The following AUH variants were observed in gnomAD, a reference collection of about 807,000 sequenced individuals.
AUH encodes the protein AU RNA binding methylglutaconyl-CoA hydratase.
A neutral mutation model predicts 42.3 loss-of-function variants in AUH; 29 were observed. The observed-to-expected ratio is 0.69, with a 90% CI of 0.51 to 0.93. The LOEUF is 0.93. Among genes scored for constraint, AUH ranks in the 40% least tolerant of loss-of-function variants. AUH has a pLI of 0.00. For synonymous variants in AUH, 174 were observed against 166.4 expected, an observed-to-expected ratio of 1.05 and a Z score of -0.35; for missense variants, 452 against 438.1, an observed-to-expected ratio of 1.03 and a Z score of -0.28.
chr9:91,279,409 T>C, intron 6 of AUH, among the ~76,000 whole-genome samples: 1 of 152,158 alleles, frequency 6.6e-6, no homozygotes, highest in East Asian at 1.9e-4. Context: ...TGTGTTGCTA[T>C]AAAGAGATAC....
chr9:91,247,142 C>G (rs1263113814), intron 6 of AUH, among the ~76,000 whole-genome samples: 1 of 152,214 alleles, frequency 6.6e-6, no homozygotes, highest in Non-Finnish European at 1.5e-5. Context: ...TCTTTCCTCT[C>G]TCACTGCACA....
intron 3 of AUH, among the ~76,000 whole-genome samples, chr9:91,348,513 T>A (rs1587914272): frequency 1.3e-5 from 2 of 152,136 alleles, no homozygotes; most frequent in East Asian, 3.9e-4. Context: ...ACCTAATGAA[T>A]AAACAAACCG....
At chr9:91,225,130 C>T (rs940862799) in intron 6 of AUH, among the ~76,000 whole-genome samples, 1 of 152,152 alleles carries the variant, frequency 6.6e-6, no homozygotes, top group Non-Finnish European at 1.5e-5. Context: ...CTAAATGAAA[C>T]TCAGTATTCT....
At chr9:91,253,661 T>C (rs975182488) in intron 6 of AUH, among the ~76,000 whole-genome samples, 1 of 152,198 alleles carries the variant, frequency 6.6e-6, no homozygotes, top group African/African-American at 2.4e-5. Context: ...TCTTGGTATC[T>C]AGAGAGCTAA....
chr9:91,355,744 T>C, intron 3 of AUH, 139 bp downstream of exon 3: 2 of 735,746 alleles, frequency 2.7e-6, no homozygotes, highest in Non-Finnish European at 4.6e-6. Flanking sequence ...TGTTTTTTTC[T>C]TGTGAATCAG....
intron 3 of AUH, among the ~76,000 whole-genome samples, chr9:91,333,445 AC>A (rs1830479263): frequency 6.6e-6 from 1 of 152,240 alleles, no homozygotes; most frequent in East Asian, 1.9e-4. Context: ...AATTTTCATT[AC>A]AAGTATTATT....
Position 91,357,812 on chromosome 9 carries a change from G to A in AUH, c.263-1657C>T, listed in dbSNP as rs974258754. Among the ~76,000 whole-genome samples, 8 of 152,338 alleles carry A rather than the reference G, an allele frequency of 5.3e-5. No individual in the cohort carries two copies. The East Asian group carries it at 1.5e-3, about 29-fold the overall frequency. The stretch of plus-strand genomic sequence containing the variant: ...CCACTGAATGTCCTGTAACCTACGA[G>A]GGGGAGAAGAGAGTGACCAATGAAA... On this transcript the variant is annotated intron_variant, in intron 1 of 9. Transcript: ENST00000375731.
At chr9:91,295,964 T>A in intron 6 of AUH, 57 bp downstream of exon 6, 1 of 1,581,984 alleles carries the variant, frequency 6.3e-7, no homozygotes. Flanking sequence ...TTTTGCCTTA[T>A]GCCCTGTTTC....
intron 4 of AUH, among the ~76,000 whole-genome samples, chr9:91,310,763 GAA>G (rs1428174945): frequency 1.3e-5 from 2 of 152,200 alleles, no homozygotes; most frequent in Non-Finnish European, 2.9e-5. Context: ...AAAGATGACA[GAA>G]AGATAGATCA....
intron 4 of AUH, among the ~76,000 whole-genome samples, chr9:91,309,286 C>T (rs956215034): frequency 1.3e-5 from 2 of 151,770 alleles, no homozygotes; most frequent in African/African-American, 4.8e-5. Flanking sequence ...GATTACAATT[C>T]AACATGAGAT....
At chr9:91,304,368 T>C (rs914023575) in intron 4 of AUH, among the ~76,000 whole-genome samples, 4 of 152,134 alleles carry the variant, frequency 2.6e-5, no homozygotes, top group African/African-American at 9.7e-5. Context: ...AAATAAGTAA[T>C]CAATCCTCGA....
At chr9:91,259,374 G>A (rs1829583097) in intron 6 of AUH, among the ~76,000 whole-genome samples, 4 of 146,276 alleles carry the variant, frequency 2.7e-5, no homozygotes, top group African/African-American at 1.0e-4. Context: ...TTTGTGTCCT[G>A]TCTCCCTCTG....
intron 6 of AUH, among the ~76,000 whole-genome samples, chr9:91,238,205 C>T (rs955126140): frequency 1.3e-5 from 2 of 152,166 alleles, no homozygotes; most frequent in African/African-American, 4.8e-5. Flanking sequence ...ACCAGGTTCC[C>T]TCAATGTTTC....
intron 5 of AUH, 31 bp from the exon 6 acceptor site, chr9:91,296,108 T>C: frequency 6.2e-7 from 1 of 1,602,328 alleles, no homozygotes; most frequent in Non-Finnish European, 8.5e-7. Context: ...TTAAGTATCA[T>C]CCATATCATC....
intron 3 of AUH, among the ~76,000 whole-genome samples, chr9:91,355,210 T>A (rs1023561263): frequency 2.0e-5 from 3 of 152,198 alleles, no homozygotes; most frequent in Non-Finnish European, 4.4e-5. Context: ...TCTGCAATAT[T>A]TTAAGGCAGA....
rs557148048 is a variant in AUH, at chr9:91,323,249, C to A, written c.505+2069G>T. Among the ~76,000 whole-genome samples, 3 of 152,078 alleles carry A rather than the reference C, an allele frequency of 2.0e-5. No homozygotes were observed. In the East Asian group the frequency reaches 5.8e-4, roughly 29 times the overall value. On this transcript the variant is annotated intron_variant, in intron 4 of 9. Transcript: ENST00000375731. ...AGGTAATTACCTATATTGTACTTTT[C>A]AACTGAAAACACAAGAAAATTAAAG...
intron 3 of AUH, among the ~76,000 whole-genome samples, chr9:91,354,658 G>C (rs561816931): frequency 6.6e-6 from 1 of 152,234 alleles, no homozygotes; most frequent in African/African-American, 2.4e-5. Context: ...AACAATGCCG[G>C]GATGACCACT....
chr9:91,297,998 T>C lies in AUH; in HGVS notation c.584A>G (p.Asp195Gly). The change falls in exon 5 of 10, where the codon GAT becomes GGT. Residue 195 changes from aspartate (D) to glycine (G), a missense_variant. Coordinates refer to ENST00000375731, the MANE Select transcript of AUH (RefSeq NM_001698.3). ...GGGLELALACDIRVAASSAKM... is the reference protein window; with the variant it reads ...GGGLELALACGIRVAASSAKM... ...TTAATTCTTACCTGCTACTCGTATA[T>C]CACAGGCTAAAGCCAGTTCAAGACC... 6.2e-7 allele frequency: 1 copy of C among 1,609,634 alleles called. No homozygotes were observed. The highest frequency in any genetic ancestry group is 8.5e-7 in the Non-Finnish European group (1 of 1,175,860).
intron 6 of AUH, among the ~76,000 whole-genome samples, chr9:91,264,867 T>C (rs977976733): frequency 6.6e-6 from 1 of 152,226 alleles, no homozygotes; most frequent in Non-Finnish European, 1.5e-5. Context: ...ATCTCATATA[T>C]ATCTATATAC....
Sources: gnomAD v4.1 joint callset for allele counts (sites outside exome capture counted in the v4.1 genomes callset) on GRCh38, gnomAD v4.1.1 for gene constraint, MANE v1.5 for transcripts, NCBI Gene and HGNC (gene_info 2026-07-23, HGNC 2026-07-21) for gene names.